PPP6R2: variants seen among roughly 807,000 people sequenced by gnomAD.
PPP6R2 encodes protein phosphatase 6 regulatory subunit 2, also known as serine/threonine-protein phosphatase 6 regulatory subunit 2.
PPP6R2 carries 62 observed loss-of-function variants against 100.2 expected under a neutral mutation model. That is an observed-to-expected ratio of 0.62 (90% CI 0.50 to 0.76). The LOEUF (loss-of-function observed/expected upper bound fraction) is 0.76. Among genes scored for constraint, PPP6R2 ranks in the 30% least tolerant of loss-of-function variants. PPP6R2 has a pLI of 0.00. For missense variants in PPP6R2, 1,142 were observed against 1,276.3 expected (o/e 0.89, Z 1.60); for synonymous variants, 525 against 514.7 (o/e 1.02, Z -0.27).
chr22:50,372,136 A>T lies in PPP6R2; in HGVS notation c.-31A>T, dbSNP rs1268467107. 1 of 152,214 alleles carries T rather than the reference A, an allele frequency of 6.6e-6. No homozygotes were observed. The highest frequency in any genetic ancestry group is 1.9e-4 in the East Asian group (1 of 5,198). The allele number at this position is 152,214 out of a possible 1,614,324, so 9.4% of individuals were successfully genotyped here. ...TGCCTGAATACATGATTTAAACAAG[A>T]GATTTCCACAGAAGGTAAGATAAGT... On this transcript the variant is annotated 5_prime_UTR_variant, in exon 2 of 24. Coordinates refer to ENST00000612753, the MANE Select transcript of PPP6R2 (RefSeq NM_001242898.2).
chr22:50,410,779 G>A (rs1435606112), intron 4 of PPP6R2, among the ~76,000 whole-genome samples: 3 of 151,674 alleles, frequency 2.0e-5, no homozygotes, highest in Non-Finnish European at 4.4e-5. Context: ...ACATGTCAAA[G>A]CATACAAGGA....
At chr22:50,352,772 G>A (rs28762414) in intron 1 of PPP6R2, among the ~76,000 whole-genome samples, 32,850 of 151,220 alleles carry the variant, frequency 0.22, 5,182 homozygotes, top group African/African-American at 0.44. Flanking sequence ...CAACAACAAC[G>A]TAACTTTCTG....
chr22:50,361,200 T>C (rs534445592), intron 1 of PPP6R2, among the ~76,000 whole-genome samples: 3 of 152,240 alleles, frequency 2.0e-5, no homozygotes, highest in Non-Finnish European at 4.4e-5. Flanking sequence ...TCATTCCTTT[T>C]GGATTTCCTT....
At chr22:50,424,241 T>C (rs887351638) in intron 10 of PPP6R2, among the ~76,000 whole-genome samples, 1 of 152,140 alleles carries the variant, frequency 6.6e-6, no homozygotes, top group Admixed American at 6.6e-5. Context: ...CCCCGTCTTC[T>C]GCCTGGCTCT....
intron 2 of PPP6R2, among the ~76,000 whole-genome samples, chr22:50,377,425 C>A (rs2051843041): frequency 6.6e-6 from 1 of 151,330 alleles, no homozygotes; most frequent in African/African-American, 2.4e-5. Flanking sequence ...GCCTGGGTGA[C>A]AGAACAAGAC....
chr22:50,339,779 T>C (rs565208978), upstream of PPP6R2, among the ~76,000 whole-genome samples: 759 of 94,778 alleles, frequency 8.0e-3, 6 homozygotes, highest in Non-Finnish European at 0.011. Flanking sequence ...TGGTATGTGG[T>C]GTGTGTGTGG....
At chr22:50,407,870 A>G in intron 4 of PPP6R2, among the ~76,000 whole-genome samples, 1 of 152,110 alleles carries the variant, frequency 6.6e-6, no homozygotes, top group East Asian at 1.9e-4. Flanking sequence ...TCTCATGTAA[A>G]TATTTCAGTA....
At chr22:50,347,344 A>G (rs1253480262) in intron 1 of PPP6R2, among the ~76,000 whole-genome samples, 1 of 151,540 alleles carries the variant, frequency 6.6e-6, no homozygotes, top group African/African-American at 2.4e-5. Flanking sequence ...CTCTTGTCCA[A>G]TCACTGATTC....
intron 3 of PPP6R2, among the ~76,000 whole-genome samples, chr22:50,403,202 G>A (rs1403390269): frequency 1.3e-5 from 2 of 151,806 alleles, no homozygotes; most frequent in Non-Finnish European, 2.9e-5. Flanking sequence ...GCAAGACTCT[G>A]TCTCAAGAAA....
chr22:50,444,453 G>GTC lies in PPP6R2; in HGVS notation c.*206_*207insTC. 3 of 639,538 alleles carry GTC rather than the reference G, an allele frequency of 4.7e-6. No homozygotes were observed. Among genetic ancestry groups the GTC allele is most frequent in the Non-Finnish European group, 7.7e-6 (3 of 391,824 alleles). 39.6% of individuals were successfully genotyped at this position (639,538 alleles called of 1,614,324 possible). ...GGGCCTCTCAGGTCACTCGTGCCCT[G>GTC]CTGGAGGACAGAGGGGCACCTCAGC... is the stretch of plus-strand genomic sequence containing the variant. On this transcript the variant is annotated 3_prime_UTR_variant, in exon 24 of 24. Coordinates refer to ENST00000612753, the MANE Select transcript of PPP6R2 (RefSeq NM_001242898.2).
In PPP6R2 at chr22:50,431,773, C is replaced by T. The variant is rs2063191653; in HGVS notation, c.1335+391C>T. 1.3e-5 allele frequency among the ~76,000 whole-genome samples: 2 copies of T among 152,084 alleles called. No homozygotes were observed. The highest frequency in any genetic ancestry group is 2.9e-5 in the Non-Finnish European group (2 of 68,028). ...TGCAGGCCAACCAGGGACTGTCACC[C>T]GGATAGCAAGGCCACAGGTATATCG... is the stretch of plus-strand genomic sequence containing the variant. On this transcript the variant is annotated intron_variant, in intron 11 of 23. Transcript: ENST00000612753. This position sits in a 1 kb window ranked among gnomAD's most constrained non-coding sequence, Gnocchi z 4.8.
At chr22:50,354,364 A>G (rs1016819659) in intron 1 of PPP6R2, among the ~76,000 whole-genome samples, 2 of 152,162 alleles carry the variant, frequency 1.3e-5, no homozygotes, top group Admixed American at 1.3e-4. Flanking sequence ...TTGGATTTCA[A>G]ATTTTCTCAG....
intron 3 of PPP6R2, among the ~76,000 whole-genome samples, chr22:50,403,111 G>T (rs144470497): frequency 6.6e-6 from 1 of 152,298 alleles, no homozygotes; most frequent in African/African-American, 2.4e-5. Context: ...TACACAGGAG[G>T]CTGAGACAGG....
chr22:50,391,613 C>G (rs2055569654), intron 2 of PPP6R2, among the ~76,000 whole-genome samples: 1 of 151,834 alleles, frequency 6.6e-6, no homozygotes. Flanking sequence ...AAATAAAATC[C>G]AGTCTGACAA....
At chr22:50,432,167 G>A (rs906407969) in intron 11 of PPP6R2, 98 bp from the exon 12 acceptor site, 17 of 1,127,236 alleles carry the variant, frequency 1.5e-5, no homozygotes, top group East Asian at 2.6e-5. Context: ...CCACACAGAC[G>A]TGGCCGCCAG....
At chr22:50,351,598 A>G (rs146020194) in intron 1 of PPP6R2, among the ~76,000 whole-genome samples, 1 of 152,038 alleles carries the variant, frequency 6.6e-6, no homozygotes, top group African/African-American at 2.4e-5. Flanking sequence ...AGATCTAGCG[A>G]CAACTTCTAT....
chr22:50,406,156 G>A (rs978449144), intron 3 of PPP6R2, among the ~76,000 whole-genome samples: 14 of 128,538 alleles, frequency 1.1e-4, no homozygotes, highest in African/African-American at 4.0e-4. Flanking sequence ...CGAGAGGCCT[G>A]GAGAGAGGCG....
At chr22:50,340,159 GTGTGGTGTGTGTGTAGGGTGTGTA>G (rs1236635859), upstream of PPP6R2, among the ~76,000 whole-genome samples, 14 of 122,802 alleles carry the variant, frequency 1.1e-4, 1 homozygote, top group African/African-American at 3.6e-4. Flanking sequence ...TGTGTAGGGC[GTGTGGTGTGTGTGTAGGGTGTGTA>G]TGTGGTGTGT....
chr22:50,330,950 C>T, the PPP6R2 span, among the ~76,000 whole-genome samples: 1 of 152,200 alleles, frequency 6.6e-6, no homozygotes, highest in South Asian at 2.1e-4. Context: ...TCTGGATTTT[C>T]GTCCCATAAG....
Sources: gnomAD v4.1 joint callset for allele counts (sites outside exome capture counted in the v4.1 genomes callset) on GRCh38, gnomAD v4.1.1 for gene constraint, Gnocchi (gnomAD v3.1) non-coding constraint, MANE v1.5 for transcripts, NCBI Gene and HGNC (gene_info 2026-07-23, HGNC 2026-07-21) for gene names.